MAGI1: variants seen among roughly 807,000 people sequenced by gnomAD.
The protein encoded by MAGI1 is membrane associated guanylate kinase, WW and PDZ domain containing 1.
In MAGI1, 58 loss-of-function variants were observed where a neutral mutation model predicts 139.9. That is an observed-to-expected ratio of 0.41 (90% CI 0.34 to 0.52). The LOEUF (loss-of-function observed/expected upper bound fraction) is 0.52. MAGI1 is among the 20% of genes least tolerant of loss of function. MAGI1 has a pLI of 0.12. For synonymous variants in MAGI1, 812 were observed against 737.9 expected (o/e 1.10, Z -1.63); for missense variants, 1,874 against 1,901.6 (o/e 0.99, Z 0.27).
intron 1 of MAGI1, among the ~76,000 whole-genome samples, chr3:65,778,213 T>C (rs1218627452): frequency 6.6e-6 from 1 of 152,084 alleles, no homozygotes; most frequent in African/African-American, 2.4e-5. Context: ...GCGGATCACC[T>C]GAGGTAAGGA....
chr3:65,536,097 T>C (rs2078947397), intron 2 of MAGI1, among the ~76,000 whole-genome samples: 1 of 152,218 alleles, frequency 6.6e-6, no homozygotes, highest in Admixed American at 6.5e-5. Context: ...ACTGTGTTAT[T>C]TACACTTATA....
chr3:65,572,079 G>A (rs926507130), intron 2 of MAGI1, among the ~76,000 whole-genome samples: 1 of 152,106 alleles, frequency 6.6e-6, no homozygotes, highest in Non-Finnish European at 1.5e-5. Flanking sequence ...TGTGAAAAAC[G>A]AGGAAGGTAA....
chr3:65,404,800 T>G (rs1945200462), intron 12 of MAGI1, among the ~76,000 whole-genome samples: 1 of 152,174 alleles, frequency 6.6e-6, no homozygotes, highest in Non-Finnish European at 1.5e-5. Context: ...ATGTAACTGG[T>G]TAACTGCAGA....
At chr3:65,997,889 T>C (rs2066537107) in intron 1 of MAGI1, among the ~76,000 whole-genome samples, 1 of 152,048 alleles carries the variant, frequency 6.6e-6, no homozygotes, top group South Asian at 2.1e-4. Flanking sequence ...CTGGGTGTGG[T>C]GGCTCCTGCC....
chr3:65,935,593 G>C (rs558573441), intron 1 of MAGI1, among the ~76,000 whole-genome samples: 168 of 152,162 alleles, frequency 1.1e-3, no homozygotes, highest in African/African-American at 4.0e-3. Flanking sequence ...CTGCACTCCA[G>C]AGTGGGCAAT....
chr3:65,700,388 C>G (rs2089512972), intron 1 of MAGI1, among the ~76,000 whole-genome samples: 1 of 152,010 alleles, frequency 6.6e-6, no homozygotes, highest in Admixed American at 6.6e-5. Context: ...GCGGAGGTCA[C>G]AATGAGTGGA....
At chr3:65,772,155 C>G (rs1156277179) in intron 1 of MAGI1, among the ~76,000 whole-genome samples, 1 of 152,012 alleles carries the variant, frequency 6.6e-6, no homozygotes, top group Non-Finnish European at 1.5e-5. Flanking sequence ...GAGATCATGC[C>G]ACTGCACTCC....
chr3:65,449,774 CA>C (rs1197041096), intron 6 of MAGI1, among the ~76,000 whole-genome samples: 1 of 151,980 alleles, frequency 6.6e-6, no homozygotes, highest in Non-Finnish European at 1.5e-5. Flanking sequence ...GACTCCATCT[CA>C]AAAAACAGAA....
intron 1 of MAGI1, among the ~76,000 whole-genome samples, chr3:65,778,674 A>C (rs2038680508): frequency 6.6e-6 from 1 of 152,126 alleles, no homozygotes; most frequent in Non-Finnish European, 1.5e-5. Flanking sequence ...TCAAACTTAG[A>C]CCTACCTGGC....
intron 2 of MAGI1, among the ~76,000 whole-genome samples, chr3:65,528,572 A>G (rs1300218202): frequency 1.3e-5 from 2 of 152,238 alleles, no homozygotes; most frequent in African/African-American, 4.8e-5. Flanking sequence ...TGTAATGTGA[A>G]GAAAATATCA....
intron 2 of MAGI1, among the ~76,000 whole-genome samples, chr3:65,611,728 G>C (rs1316769278): frequency 2.1e-5 from 3 of 146,200 alleles, no homozygotes; most frequent in Non-Finnish European, 4.5e-5. Flanking sequence ...TTTATATACT[G>C]TATGTGTATA....
At chr3:65,496,212 T>C (rs1306692432) in intron 2 of MAGI1, among the ~76,000 whole-genome samples, 8 of 151,292 alleles carry the variant, frequency 5.3e-5, no homozygotes, top group African/African-American at 1.7e-4. Flanking sequence ...CAGCTAATTT[T>C]TTTTTTTTTG....
intron 1 of MAGI1, among the ~76,000 whole-genome samples, chr3:65,633,645 A>G (rs982368957): frequency 3.9e-5 from 6 of 152,194 alleles, no homozygotes; most frequent in Admixed American, 3.9e-4. Flanking sequence ...TTAGGTTTAA[A>G]TGCCATCATC....
At chr3:65,548,759 G>C (rs1022982680) in intron 2 of MAGI1, among the ~76,000 whole-genome samples, 1 of 151,962 alleles carries the variant, frequency 6.6e-6, no homozygotes, top group Non-Finnish European at 1.5e-5. Context: ...ATGACCTCAA[G>C]TAATCCACCC....
At chr3:65,833,919 T>C (rs1158107460) in intron 1 of MAGI1, among the ~76,000 whole-genome samples, 4 of 152,252 alleles carry the variant, frequency 2.6e-5, no homozygotes, top group Non-Finnish European at 4.4e-5. Flanking sequence ...AGTGGCTTTC[T>C]GTAGCAGTGA....
intron 12 of MAGI1, among the ~76,000 whole-genome samples, chr3:65,426,765 T>C (rs1947074803): frequency 6.6e-6 from 1 of 152,218 alleles, no homozygotes; most frequent in African/African-American, 2.4e-5. Context: ...TAATAGTATC[T>C]AGTGCTAGCC....
intron 1 of MAGI1, among the ~76,000 whole-genome samples, chr3:65,959,093 A>G (rs2064281523): frequency 6.6e-6 from 1 of 152,184 alleles, no homozygotes; most frequent in African/African-American, 2.4e-5. Context: ...TGAGTTCTAA[A>G]AGTCTCTGGA....
chr3:65,790,465 T>C (rs1257516817), intron 1 of MAGI1, among the ~76,000 whole-genome samples: 1 of 152,198 alleles, frequency 6.6e-6, no homozygotes, highest in Non-Finnish European at 1.5e-5. Context: ...CCCTTTGAAG[T>C]CCAGTAATGG....
At chr3:65,707,524 C>T (rs868308680) in intron 1 of MAGI1, among the ~76,000 whole-genome samples, 1 of 151,792 alleles carries the variant, frequency 6.6e-6, no homozygotes, top group East Asian at 1.9e-4. Flanking sequence ...GTCTCTCTAA[C>T]AAAAAAAATT....
Sources: gnomAD v4.1 joint callset for allele counts (sites outside exome capture counted in the v4.1 genomes callset) on GRCh38, gnomAD v4.1.1 for gene constraint, MANE v1.5 for transcripts, NCBI Gene and HGNC (gene_info 2026-07-23, HGNC 2026-07-21) for gene names.